ETFRF1: variants seen among roughly 807,000 people sequenced by gnomAD.
ETFRF1 encodes LYR motif containing 5.
In ETFRF1, 12 loss-of-function variants were observed where a neutral mutation model predicts 9.0. That is an observed-to-expected ratio of 1.34 (90% CI 0.86 to 2.16). The LOEUF is 2.16. ETFRF1 is among the 30% of genes most tolerant of loss of function. ETFRF1 has a pLI of 0.00. For missense variants in ETFRF1, 98 were observed against 101.8 expected, an observed-to-expected ratio of 0.96 and a Z score of 0.16; for synonymous variants, 34 against 33.2, an observed-to-expected ratio of 1.02 and a Z score of -0.08.
At chr12:25,198,950 T>TA (rs1218858348) in intron 1 of ETFRF1, among the ~76,000 whole-genome samples, 9 of 152,192 alleles carry the variant, frequency 5.9e-5, no homozygotes, top group African/African-American at 2.2e-4. Flanking sequence ...TAGAGTCACC[T>TA]ATCCTACCCA....
chr12:25,195,384 C>T, intron 1 of ETFRF1, 47 bp downstream of exon 1: 1 of 568,228 alleles, frequency 1.8e-6, no homozygotes, highest in East Asian at 3.0e-5. Flanking sequence ...TTCCCGGATC[C>T]TGGGGTCTGG....
chr12:25,198,647 T>A (rs1951050619), intron 1 of ETFRF1, among the ~76,000 whole-genome samples: 1 of 152,138 alleles, frequency 6.6e-6, no homozygotes, highest in Non-Finnish European at 1.5e-5. Flanking sequence ...CAAGAATCAG[T>A]GAACTTGGAA....
At chr12:25,202,269 G>T (rs1165804255) in intron 1 of ETFRF1, among the ~76,000 whole-genome samples, 1 of 151,710 alleles carries the variant, frequency 6.6e-6, no homozygotes, top group Non-Finnish European at 1.5e-5. Flanking sequence ...GCCTATCAGA[G>T]TAATTCAGTC....
intron 1 of ETFRF1, among the ~76,000 whole-genome samples, chr12:25,199,372 A>G (rs2141467821): frequency 6.7e-6 from 1 of 149,484 alleles, no homozygotes; most frequent in Non-Finnish European, 1.5e-5. Context: ...TATAGTACAT[A>G]ACTATATATG....
rs778239706 is a variant in ETFRF1 at position 25,204,168 on chromosome 12, C to G, written c.129C>G (p.Asn43Lys). The change falls in exon 3 of 3, where the codon AAC becomes AAG. Residue 43 changes from asparagine (N) to lysine (K), a missense_variant. Coordinates refer to ENST00000381356, the MANE Select transcript of ETFRF1 (RefSeq NM_001001660.3). Reference sequence around the variant, plus strand: ...GTTTGAAGAACATTTTCCTTAAAAACAAAGATGTGAAGAATCCAGAGAAGA... The same window carrying G: ...GTTTGAAGAACATTTTCCTTAAAAAGAAAGATGTGAAGAATCCAGAGAAGA... Reference protein sequence around the residue: ...KKRLKNIFLKNKDVKNPEKIK... With the variant: ...KKRLKNIFLKKKDVKNPEKIK... 6.2e-7 allele frequency: 1 copy of G among 1,612,922 alleles called. No homozygotes were observed. Among genetic ancestry groups the G allele is most frequent in the South Asian group, 1.1e-5 (1 of 90,944 alleles).
intron 1 of ETFRF1, among the ~76,000 whole-genome samples, chr12:25,203,509 G>A (rs539540990): frequency 6.6e-6 from 1 of 152,152 alleles, no homozygotes; most frequent in South Asian, 2.1e-4. Flanking sequence ...TTGAGAGCAG[G>A]GTAAAGATAA....
In ETFRF1 at chr12:25,203,990, CTAAAACTTTATAAAAATGTAAGTAAT is replaced by C. The variant is rs1169118997; in HGVS notation, c.37_51+11del. 2.0e-6 allele frequency: 3 copies of C among 1,505,088 alleles called. No homozygotes were observed. Among genetic ancestry groups the C allele is most frequent in the Non-Finnish European group, 2.7e-6 (3 of 1,126,320 alleles). The allele number at this position is 1,505,088 out of a possible 1,614,324, so 93.2% of individuals were successfully genotyped here. ...GGCCAATTCTTTAAGAGGAGAAGTACTAAAACTTTATAAAAATGTAAGTAATTATGTTGCCAATTTTATAAAAATGT... is the reference window on the plus strand; with the variant it reads ...GGCCAATTCTTTAAGAGGAGAAGTACTATGTTGCCAATTTTATAAAAATGT... On this transcript the variant is annotated splice_donor_variant and splice_donor_5th_base_variant and coding_sequence_variant and intron_variant, in exon 2 of 3. Coordinates refer to ENST00000381356, the MANE Select transcript of ETFRF1 (RefSeq NM_001001660.3). LOFTEE classifies it high-confidence loss of function.
At position 25,199,326 on chromosome 12, in the gene ETFRF1, T is replaced by C. The variant is rs538480729; in HGVS notation, c.-38+3989T>C. On this transcript the variant is annotated intron_variant, in intron 1 of 2. Coordinates refer to ENST00000381356, the MANE Select transcript of ETFRF1 (RefSeq NM_001001660.3). ...TACTACATAGTACATATAGTACATA[T>C]AGTACATACTGTACTATGTAGTATA... Among the ~76,000 whole-genome samples, 4 of 111,284 alleles carry C rather than the reference T, an allele frequency of 3.6e-5. No individual in the cohort carries two copies. The East Asian group carries it at 7.6e-4, about 21-fold the overall frequency. 73.0% of individuals were successfully genotyped at this position (111,284 alleles called of 152,430 possible).
intron 1 of ETFRF1, 60 bp from the exon 2 acceptor site, chr12:25,203,860 T>A (rs1951098450): frequency 3.1e-6 from 3 of 970,438 alleles, no homozygotes; most frequent in Middle Eastern, 3.4e-4. Context: ...GTGTATAACC[T>A]TTTTTTATTT....
chr12:25,198,723 T>C (rs1951051079), intron 1 of ETFRF1, among the ~76,000 whole-genome samples: 1 of 152,202 alleles, frequency 6.6e-6, no homozygotes, highest in Non-Finnish European at 1.5e-5. Context: ...TAAGTACAAT[T>C]TAACAAGTAT....
Position 25,203,909 on chromosome 12 carries a change from C to CCTTT in ETFRF1, c.-37-6_-37-3dup. ...ATGCAGCTAATTGCAAAAAAATTTTCCTTTCTTTAGGTATGTTATGCATAA... is the reference window on the plus strand; with the variant it reads ...ATGCAGCTAATTGCAAAAAAATTTTCCTTTCTTTCTTTAGGTATGTTATGCATAA... On this transcript the variant is annotated splice_polypyrimidine_tract_variant and intron_variant, in intron 1 of 2. Transcript: ENST00000381356. The CCTTT allele has an allele frequency of 2.9e-6, 4 of 1,360,960 alleles. No individual in the cohort carries two copies. The highest frequency in any genetic ancestry group is 3.8e-6 in the Non-Finnish European group (4 of 1,042,138). The allele number at this position is 1,360,960 out of a possible 1,614,324, so 84.3% of individuals were successfully genotyped here.
rs1183827363 is a variant in ETFRF1 at position 25,205,036 on chromosome 12, ATT to A, written c.*726_*727del. On this transcript the variant is annotated 3_prime_UTR_variant, in exon 3 of 3. Coordinates refer to ENST00000381356, the MANE Select transcript of ETFRF1 (RefSeq NM_001001660.3). ...TCCTATTTTTTTGTCATAAAGGCAG[ATT>A]TGTTTTGCATCTACTTCTAAATATG... The A allele has an allele frequency of 9.4e-6, 2 of 211,778 alleles. No individual in the cohort carries two copies. The highest frequency in any genetic ancestry group is 1.4e-4 in the East Asian group (2 of 14,078). The allele number at this position is 211,778 out of a possible 1,614,324, so 13.1% of individuals were successfully genotyped here.
chr12:25,195,346 G>A lies in ETFRF1; in HGVS notation c.-38+9G>A, dbSNP rs1478294176. ...CTCCGGCGTGCCGGAAAGTGCGTGA[G>A]TGCCGCCGCCGGGGAGTTTTGTTCC... On this transcript the variant is annotated intron_variant, in intron 1 of 2. Transcript: ENST00000381356. 5 of 596,994 alleles carry A rather than the reference G, an allele frequency of 8.4e-6. No homozygotes were observed. Among genetic ancestry groups the A allele is most frequent in the Non-Finnish European group, 1.5e-5 (5 of 335,424 alleles). 37.0% of individuals were successfully genotyped at this position (596,994 alleles called of 1,614,324 possible).
chr12:25,202,949 G>A (rs569223362), intron 1 of ETFRF1, among the ~76,000 whole-genome samples: 8 of 152,280 alleles, frequency 5.3e-5, no homozygotes, highest in African/African-American at 1.9e-4. Flanking sequence ...CCTGGGAACA[G>A]TGACAGTCCC....
intron 1 of ETFRF1, among the ~76,000 whole-genome samples, chr12:25,196,754 G>A (rs1592783705): frequency 6.6e-6 from 1 of 152,164 alleles, no homozygotes; most frequent in East Asian, 1.9e-4. Flanking sequence ...CAGCCTCAGG[G>A]CCCTGCTGAA....
chr12:25,196,406 A>T (rs1951008112), intron 1 of ETFRF1, among the ~76,000 whole-genome samples: 1 of 152,204 alleles, frequency 6.6e-6, no homozygotes, highest in Non-Finnish European at 1.5e-5. Flanking sequence ...TAGTTCAGTA[A>T]TCCCAAGTTA....
In ETFRF1 at chr12:25,204,278, A is replaced by G. The variant is rs1332974851; in HGVS notation, c.239A>G (p.Gln80Arg). The G allele has an allele frequency of 3.1e-6, 5 of 1,591,886 alleles. No homozygotes were observed. Among genetic ancestry groups the G allele is most frequent in the Non-Finnish European group, 4.3e-6 (5 of 1,173,884 alleles). Residue 80 changes from glutamine to arginine, a missense_variant, in exon 3 of 3, where the codon CAA becomes CGA. By Grantham distance (43) the Gln-to-Arg change is conservative. Transcript: ENST00000381356. The stretch of plus-strand genomic sequence containing the variant: ...CTTAGGAAATACAGAGCTATGAAAC[A>G]ACGCTATTATTCAGATACCAACAAA... The part of the protein sequence containing the change: ...YFLRKYRAMK[Q>R]RYYSDTNKTN
At chr12:25,203,033 T>C (rs534218712) in intron 1 of ETFRF1, among the ~76,000 whole-genome samples, 1 of 152,348 alleles carries the variant, frequency 6.6e-6, no homozygotes, top group African/African-American at 2.4e-5. Flanking sequence ...TTCTAAATGC[T>C]ATTCTCCATT....
chr12:25,199,356 A>AT lies in ETFRF1; in HGVS notation c.-38+4019_-38+4020insT, dbSNP rs11374234. ...CATACTGTACTATGTAGTATATAGT[A>AT]ATATATATAGTACATAACTATATAT... On this transcript the variant is annotated intron_variant, in intron 1 of 2. Coordinates refer to ENST00000381356, the MANE Select transcript of ETFRF1 (RefSeq NM_001001660.3). Among the ~76,000 whole-genome samples the AT allele has an allele frequency of 4.0e-5, 6 of 149,124 alleles. No homozygotes were observed. In the East Asian group the frequency reaches 7.8e-4, roughly 19 times the overall value.
Sources: allele counts gnomAD v4.1 joint callset (sites outside exome capture counted in the v4.1 genomes callset), GRCh38; gene constraint gnomAD v4.1.1; transcripts MANE v1.5; gene names NCBI Gene and HGNC (gene_info 2026-07-23, HGNC 2026-07-21).